Variants in NRG1 observed in about 807,000 individuals in gnomAD.
NRG1 encodes pro-neuregulin-1, membrane-bound isoform.
NRG1 carries 18 observed loss-of-function variants against 63.8 expected under a neutral mutation model. The ratio of observed to expected loss-of-function variants is 0.28; its 90% CI spans 0.19 to 0.42. The LOEUF (loss-of-function observed/expected upper bound fraction) is 0.42. Ranked by LOEUF, NRG1 falls within the 10% of genes least tolerant of loss-of-function variation. The pLI is 1.00. For missense variants in NRG1, 762 were observed against 814.7 expected (o/e 0.94, Z 0.79); for synonymous variants, 302 against 301.3 (o/e 1.00, Z -0.02).
intron 1 of NRG1, among the ~76,000 whole-genome samples, chr8:32,075,579 A>G (rs371501502): frequency 6.6e-6 from 1 of 152,178 alleles, no homozygotes; most frequent in African/African-American, 2.4e-5. Context: ...AATACCTAAT[A>G]TAATGTGAAT....
intron 1 of NRG1, among the ~76,000 whole-genome samples, chr8:32,329,597 G>A (rs998579398): frequency 1.6e-4 from 24 of 152,092 alleles, no homozygotes; most frequent in African/African-American, 3.4e-4. Context: ...GTCCTGGTTC[G>A]TCACTGCTGT....
chr8:32,280,060 A>G (rs764513933), intron 1 of NRG1, among the ~76,000 whole-genome samples: 2 of 152,236 alleles, frequency 1.3e-5, no homozygotes, highest in African/African-American at 2.4e-5. Context: ...AACCTCTATC[A>G]TTTACATGCA....
At chr8:32,749,699 A>C in intron 7 of NRG1, 1 of 955,834 alleles carries the variant, frequency 1.0e-6, no homozygotes, top group Non-Finnish European at 1.6e-6. Flanking sequence ...TTTTCTTTAG[A>C]AGGGATCATA....
intron 1 of NRG1, among the ~76,000 whole-genome samples, chr8:32,459,605 A>T (rs11787514): frequency 0.16 from 23,655 of 146,650 alleles, 2,278 homozygotes; most frequent in Admixed American, 0.31. Flanking sequence ...TTTCTAATTA[A>T]AAAAAAAAAA....
At chr8:31,725,116 CTT>C (rs984492408) in intron 1 of NRG1, among the ~76,000 whole-genome samples, 15 of 152,178 alleles carry the variant, frequency 9.9e-5, no homozygotes, top group African/African-American at 2.7e-4. Flanking sequence ...AAAAATGACT[CTT>C]AGCCCACAGG....
intron 1 of NRG1, among the ~76,000 whole-genome samples, chr8:32,311,651 C>G (rs1856813402): frequency 6.6e-6 from 1 of 152,168 alleles, no homozygotes; most frequent in South Asian, 2.1e-4. Context: ...CAATTCTAAG[C>G]AGGGAGTTGG....
At chr8:32,149,626 C>T (rs2131814009) in intron 1 of NRG1, among the ~76,000 whole-genome samples, 1 of 152,166 alleles carries the variant, frequency 6.6e-6, no homozygotes, top group Admixed American at 6.5e-5. Context: ...TCTTTTGTAT[C>T]CCCAGGAGAC....
intron 1 of NRG1, among the ~76,000 whole-genome samples, chr8:32,173,414 A>G (rs1359390814): frequency 1.3e-5 from 2 of 152,260 alleles, no homozygotes; most frequent in African/African-American, 4.8e-5. Context: ...CATCAAAGCT[A>G]GGAAGAAACT....
At position 31,796,414 on chromosome 8, in the gene NRG1, C is replaced by CTT. The variant is rs1158508289; in HGVS notation, c.37+157018_37+157019dup. On this transcript the variant is annotated intron_variant, in intron 1 of 10. Coordinates refer to the NRG1 transcript ENST00000519301. ...ATAACCAAATAAGATGGCGTATAAT[C>CTT]TTTTTTTTTTTTTTTTTTTTTTTTT... is the stretch of plus-strand genomic sequence containing the variant. Among the ~76,000 whole-genome samples the CTT allele has an allele frequency of 4.5e-3, 196 of 43,374 alleles. 54 individuals are homozygous for CTT. The highest frequency in any genetic ancestry group is 5.2e-3 in the Admixed American group (12 of 2,330). 28.5% of individuals were successfully genotyped at this position (43,374 alleles called of 152,430 possible). A position where few individuals can be genotyped will look rare whatever the true frequency, so the allele number is the denominator to read the frequency against.
chr8:31,979,286 T>C (rs901991372), intron 1 of NRG1, among the ~76,000 whole-genome samples: 2 of 152,152 alleles, frequency 1.3e-5, no homozygotes, highest in Non-Finnish European at 2.9e-5. Context: ...GAGCTAAACC[T>C]AAATGGCATT....
At chr8:31,938,925 C>T (rs1406334243) in intron 1 of NRG1, among the ~76,000 whole-genome samples, 1 of 152,098 alleles carries the variant, frequency 6.6e-6, no homozygotes, top group African/African-American at 2.4e-5. Context: ...TGTTAAATGT[C>T]CCAACCTAAG....
At chr8:32,425,545 A>C (rs1817252096) in intron 1 of NRG1, among the ~76,000 whole-genome samples, 1 of 152,156 alleles carries the variant, frequency 6.6e-6, no homozygotes, top group South Asian at 2.1e-4. Context: ...CACACCCATC[A>C]CACCCATTTC....
intron 1 of NRG1, among the ~76,000 whole-genome samples, chr8:31,776,793 G>T (rs1007998700): frequency 1.3e-5 from 2 of 151,952 alleles, no homozygotes; most frequent in Non-Finnish European, 2.9e-5. Context: ...GCGGTGTTTG[G>T]TTTTTTGTCC....
At chr8:31,753,578 T>A (rs1474742403) in intron 1 of NRG1, among the ~76,000 whole-genome samples, 1 of 152,120 alleles carries the variant, frequency 6.6e-6, no homozygotes. Flanking sequence ...AATGGAATCA[T>A]GCAGTAAAAT....
At chr8:32,050,930 G>T (rs1195327794) in intron 1 of NRG1, among the ~76,000 whole-genome samples, 2 of 152,098 alleles carry the variant, frequency 1.3e-5, no homozygotes, top group African/African-American at 4.8e-5. Flanking sequence ...AAAGACAGAT[G>T]ATTTATAACA....
At chr8:31,814,877 T>C (rs10109763) in intron 1 of NRG1, among the ~76,000 whole-genome samples, 108,608 of 151,528 alleles carry the variant, frequency 0.72, 39,808 homozygotes, top group East Asian at 0.99. Flanking sequence ...ATACAAATGG[T>C]GCCCCCCTGC....
intron 1 of NRG1, among the ~76,000 whole-genome samples, chr8:32,177,027 A>G (rs1294088231): frequency 2.0e-5 from 3 of 152,234 alleles, no homozygotes; most frequent in South Asian, 2.1e-4. Flanking sequence ...ACACATGCAC[A>G]CATATGTTTA....
intron 5 of NRG1, among the ~76,000 whole-genome samples, chr8:32,627,962 T>C (rs963969396): frequency 2.0e-5 from 3 of 152,242 alleles, no homozygotes; most frequent in African/African-American, 7.2e-5. Flanking sequence ...TGTTAGTTTT[T>C]AATGTTCTAC....
chr8:31,897,927 G>T (rs532298077), intron 1 of NRG1, among the ~76,000 whole-genome samples: 98 of 146,914 alleles, frequency 6.7e-4, no homozygotes, highest in African/African-American at 2.2e-3. Context: ...GGCTAAGGCA[G>T]AATCACTTGA....
Sources: allele counts gnomAD v4.1 joint callset (sites outside exome capture counted in the v4.1 genomes callset), GRCh38; gene constraint gnomAD v4.1.1; transcripts MANE v1.5; gene names NCBI Gene and HGNC (gene_info 2026-07-23, HGNC 2026-07-21).